The following NDUFB3 variants were observed in gnomAD, a reference collection of about 807,000 sequenced individuals.
The protein encoded by NDUFB3 is NADH:ubiquinone oxidoreductase subunit B3.
Under a neutral mutation model 9.0 loss-of-function variants are expected in NDUFB3, and 7 were observed. That is an observed-to-expected ratio of 0.78 (90% CI 0.44 to 1.46). The LOEUF (loss-of-function observed/expected upper bound fraction) is 1.46, where lower values mean the gene tolerates loss of function less well. Among genes scored for constraint, NDUFB3 ranks in the 40% most tolerant of loss-of-function variants. The pLI is 0.01. For missense variants in NDUFB3, 93 were observed against 115.4 expected (o/e 0.81, Z 0.89); for synonymous variants, 29 against 38.5 (o/e 0.75, Z 0.91).
chr2:201,073,206 T>C (rs1437605144), intron 1 of NDUFB3, among the ~76,000 whole-genome samples: 2 of 152,240 alleles, frequency 1.3e-5, no homozygotes, highest in Non-Finnish European at 2.9e-5. Flanking sequence ...CTTTAATTTT[T>C]CCGTCTATGA....
At chr2:201,072,208 C>G (rs1462364573) in intron 1 of NDUFB3, 149 bp downstream of exon 1, 1 of 152,198 alleles carries the variant, frequency 6.6e-6, no homozygotes, top group East Asian at 1.9e-4. Flanking sequence ...TAATGAAGTC[C>G]TAGTTTAGAG....
At chr2:201,080,859 A>G (rs2047214593) in intron 2 of NDUFB3, among the ~76,000 whole-genome samples, 1 of 151,532 alleles carries the variant, frequency 6.6e-6, no homozygotes, top group Non-Finnish European at 1.5e-5. Context: ...GCCTGCCACC[A>G]TGCCCTGCTA....
chr2:201,076,639 TGA>T (rs1382160003), intron 1 of NDUFB3, among the ~76,000 whole-genome samples: 1 of 151,726 alleles, frequency 6.6e-6, no homozygotes, highest in Admixed American at 6.6e-5. Flanking sequence ...ACTTATTTTT[TGA>T]GAGAGTCTCA....
Position 201,078,908 on chromosome 2 carries a change from A to G in NDUFB3, c.26A>G (p.His9Arg). 1 of 1,612,160 alleles carries G rather than the reference A, an allele frequency of 6.2e-7. No homozygotes were observed. Among genetic ancestry groups the G allele is most frequent in the Non-Finnish European group, 8.5e-7 (1 of 1,179,682 alleles). MAHEHGHE[H>R]GHHKMELPDY... ...ATGGCCCATGAACATGGACATGAGC[A>G]TGGACATCATAAAATGGAACTTCCA... The change falls in exon 2 of 3, where the codon CAT (histidine) becomes CGT (arginine). Residue 9 changes from histidine (H) to arginine (R), a missense_variant. Transcript: ENST00000237889.
At chr2:201,078,621 G>T (rs576315129) in intron 1 of NDUFB3, among the ~76,000 whole-genome samples, 2 of 152,276 alleles carry the variant, frequency 1.3e-5, no homozygotes, top group South Asian at 2.1e-4. Flanking sequence ...AAAAGAACCA[G>T]ATAGTAAATG....
intron 1 of NDUFB3, among the ~76,000 whole-genome samples, chr2:201,077,791 C>T (rs1032926909): frequency 1.3e-5 from 2 of 152,172 alleles, no homozygotes; most frequent in African/African-American, 4.8e-5. Flanking sequence ...AATGTACCTA[C>T]ATAATTGCCT....
At chr2:201,077,689 C>A (rs547741299) in intron 1 of NDUFB3, among the ~76,000 whole-genome samples, 1 of 152,246 alleles carries the variant, frequency 6.6e-6, no homozygotes, top group African/African-American at 2.4e-5. Context: ...CGTCAGTAGA[C>A]CTGTATTACA....
intron 1 of NDUFB3, among the ~76,000 whole-genome samples, chr2:201,076,484 A>AATATAT (rs561737388): frequency 0.047 from 5,615 of 119,928 alleles, 203 homozygotes; most frequent in Non-Finnish European, 0.067. Context: ...TCTATCTTTA[A>AATATAT]ATATATATAT....
chr2:201,085,419 C>T (rs777918014), intron 2 of NDUFB3, 40 bp from the exon 3 acceptor site: 49 of 1,508,020 alleles, frequency 3.2e-5, no homozygotes, highest in African/African-American at 1.3e-4. Flanking sequence ...TATACACACA[C>T]GTTGTGTATG....
rs1473007505 is a variant in NDUFB3, at chr2:201,078,862, G to A, written c.-2-19G>A. ...TACAATTTGCATATTTCTCACTTGT[G>A]TTAATCTTTTCCTTACAGACATGGC... On this transcript the variant is annotated intron_variant, in intron 1 of 2. Coordinates refer to ENST00000237889, the MANE Select transcript of NDUFB3 (RefSeq NM_002491.3). 4 of 1,596,870 alleles carry A rather than the reference G, an allele frequency of 2.5e-6. No homozygotes were observed. Among genetic ancestry groups the A allele is most frequent in the Non-Finnish European group, 3.4e-6 (4 of 1,175,812 alleles).
At position 201,078,957 on chromosome 2, in the gene NDUFB3, A is replaced by G; in HGVS notation, c.75A>G (p.Glu25=). The change falls in exon 2 of 3, where the codon GAA becomes GAG. Residue 25 remains glutamate, a synonymous_variant. Transcript: ENST00000237889. ...ELPDYRQWKI[E]GTPLETIQKK... ...CAGATTATAGACAATGGAAGATAGA[A>G]GGGACACCATTAGAAACTATCCAGA... 6.2e-7 allele frequency: 1 copy of G among 1,613,668 alleles called. No homozygotes were observed. Among genetic ancestry groups the G allele is most frequent in the South Asian group, 1.1e-5 (1 of 91,034 alleles).
intron 1 of NDUFB3, among the ~76,000 whole-genome samples, chr2:201,074,717 A>G (rs1275732651): frequency 2.0e-5 from 3 of 152,072 alleles, no homozygotes; most frequent in Non-Finnish European, 4.4e-5. Flanking sequence ...TGGCCTCCCA[A>G]ATTGCTGGGA....
At chr2:201,083,478 C>T (rs538435270) in intron 2 of NDUFB3, among the ~76,000 whole-genome samples, 2 of 151,918 alleles carry the variant, frequency 1.3e-5, no homozygotes, top group African/African-American at 4.8e-5. Flanking sequence ...CCTCTGCCTC[C>T]CGAATAGCTG....
intron 2 of NDUFB3, among the ~76,000 whole-genome samples, chr2:201,084,754 G>A (rs547131057): frequency 3.3e-5 from 5 of 152,218 alleles, no homozygotes; most frequent in East Asian, 3.9e-4. Flanking sequence ...ATTAGCTCTC[G>A]TATTTCCTAA....
At chr2:201,072,572 G>A (rs770710686) in intron 1 of NDUFB3, among the ~76,000 whole-genome samples, 42 of 152,084 alleles carry the variant, frequency 2.8e-4, no homozygotes, top group Non-Finnish European at 3.7e-4. Context: ...ATCTTCATGA[G>A]ACTTTTAGAT....
intron 2 of NDUFB3, among the ~76,000 whole-genome samples, chr2:201,081,133 T>C (rs2047217284): frequency 6.6e-6 from 1 of 152,198 alleles, no homozygotes; most frequent in Non-Finnish European, 1.5e-5. Context: ...ACATTGAATC[T>C]GTTTCACATA....
chr2:201,084,023 G>A (rs963854189), intron 2 of NDUFB3, among the ~76,000 whole-genome samples: 3 of 152,150 alleles, frequency 2.0e-5, no homozygotes, highest in African/African-American at 7.2e-5. Context: ...GGGCGCGGTG[G>A]CTCATGCCTG....
chr2:201,079,208 G>A (rs966491349), intron 2 of NDUFB3, among the ~76,000 whole-genome samples, 186 bp downstream of exon 2: 3 of 152,060 alleles, frequency 2.0e-5, no homozygotes, highest in Non-Finnish European at 4.4e-5. Flanking sequence ...GCAGTGGCGC[G>A]ATCTCAGCTC....
chr2:201,077,285 A>G (rs1455834041), intron 1 of NDUFB3, among the ~76,000 whole-genome samples: 2 of 152,126 alleles, frequency 1.3e-5, no homozygotes, highest in African/African-American at 2.4e-5. Context: ...GCTACTGCCA[A>G]CCTTACACAA....
Sources: allele counts gnomAD v4.1 joint callset (sites outside exome capture counted in the v4.1 genomes callset), GRCh38; gene constraint gnomAD v4.1.1; transcripts MANE v1.5; gene names NCBI Gene and HGNC (gene_info 2026-07-23, HGNC 2026-07-21).